Variants in SIGLEC10 observed in about 807,000 individuals in gnomAD.
SIGLEC10 encodes the protein sialic acid-binding Ig-like lectin 10.
A neutral mutation model predicts 68.3 loss-of-function variants in SIGLEC10; 45 were observed. The observed-to-expected ratio is 0.66, with a 90% CI of 0.52 to 0.84. SIGLEC10 has a LOEUF of 0.84. SIGLEC10 is among the 40% of genes least tolerant of loss of function. The pLI is 0.00. For synonymous variants in SIGLEC10, 379 were observed against 370.8 expected (o/e 1.02, Z -0.26); for missense variants, 789 against 883.1 (o/e 0.89, Z 1.35).
rs1202981278 is a variant in SIGLEC10 at position 51,414,499 on chromosome 19, G to C, written c.1632C>G (p.Ile544Met). 1.2e-6 allele frequency: 2 copies of C among 1,613,838 alleles called. No homozygotes were observed. Among genetic ancestry groups the C allele is most frequent in the Admixed American group, 3.3e-5 (2 of 59,972 alleles). ...ACGCTCCGTTGGAGAATGCCGTTGA[G>C]ATGAGTCCCTTCTTATCTGCACACG... ...ILQLPDKKGL[I>M]STAFSNGAFL... is the part of the protein sequence containing the mutation. Residue 544 changes from isoleucine (I) to methionine (M), a missense_variant, in exon 9 of 11, where the codon ATC becomes ATG. Coordinates refer to ENST00000339313, the MANE Select transcript of SIGLEC10 (RefSeq NM_033130.5). The surrounding 1 kb of genome is among the most constrained non-coding windows in gnomAD (Gnocchi z 4.1).
Position 51,415,552 on chromosome 19 carries a change from C to G in SIGLEC10, c.1072+16G>C, listed in dbSNP as rs550960425. 1 of 1,614,066 alleles carries G rather than the reference C, an allele frequency of 6.2e-7. No individual in the cohort carries two copies. The highest frequency in any genetic ancestry group is 2.2e-5 in the East Asian group (1 of 44,876). On this transcript the variant is annotated intron_variant, in intron 6 of 10. Transcript: ENST00000339313. Reference sequence around the variant, plus strand: ...TCGGCACTGAGAGGCCTTGGCTCCTCTGTCCCCTTTCCTACCTGTCCTGTT... The same window carrying G: ...TCGGCACTGAGAGGCCTTGGCTCCTGTGTCCCCTTTCCTACCTGTCCTGTT...
chr19:51,415,603 T>A lies in SIGLEC10; in HGVS notation c.1037A>T (p.Asn346Ile). The change falls in exon 6 of 11, where the codon AAC becomes ATC. Residue 346 changes from asparagine to isoleucine, a missense_variant. Coordinates refer to ENST00000339313, the MANE Select transcript of SIGLEC10 (RefSeq NM_033130.5). Reference protein sequence around the residue: ...LDLSVQYPPENLRVMVSQANR... With the variant: ...LDLSVQYPPEILRVMVSQANR... ...TGCTTGGGAAACCATCACTCTCAGG[T>A]TCTCTGGAGGATCTGAAATGGAGAC... 1 of 1,613,900 alleles carries A rather than the reference T, an allele frequency of 6.2e-7. No homozygotes were observed. The highest frequency in any genetic ancestry group is 1.1e-5 in the South Asian group (1 of 91,080).
Position 51,410,545 on chromosome 19 carries a change from A to T in SIGLEC10, c.*554T>A, listed in dbSNP as rs1488004560. ...GCTATGTTTTGTATTTTTTGTAGAGATGGGGTTTCACCATGTTGCCCAGGC... is the reference window on the plus strand; with the variant it reads ...GCTATGTTTTGTATTTTTTGTAGAGTTGGGGTTTCACCATGTTGCCCAGGC... On this transcript the variant is annotated 3_prime_UTR_variant, in exon 11 of 11. Coordinates refer to ENST00000339313, the MANE Select transcript of SIGLEC10 (RefSeq NM_033130.5). 1 of 153,166 alleles carries T rather than the reference A, an allele frequency of 6.5e-6. No individual in the cohort carries two copies. The highest frequency in any genetic ancestry group is 2.4e-5 in the African/African-American group (1 of 41,412). The allele number at this position is 153,166 out of a possible 1,614,324, so 9.5% of individuals were successfully genotyped here.
In SIGLEC10 at chr19:51,411,337, C is replaced by T; in HGVS notation, c.1856G>A (p.Ser619Asn). 6.2e-7 allele frequency: 1 copy of T among 1,614,172 alleles called. No homozygotes were observed. The highest frequency in any genetic ancestry group is 8.5e-7 in the Non-Finnish European group (1 of 1,180,022). Residue 619 changes from serine to asparagine, a missense_variant, in exon 11 of 11, where the codon AGT (serine) becomes AAT (asparagine). Transcript: ENST00000339313. ...ACCTGGTGGAAGAGGGGTCCGAGGACTGTTTGGTGTGGCTTTCTGATTCCG... is the reference window on the plus strand; with the variant it reads ...ACCTGGTGGAAGAGGGGTCCGAGGATTGTTTGGTGTGGCTTTCTGATTCCG... ...QKRNQKATPN[S>N]PRTPLPPGAP... is the part of the protein sequence containing the mutation.
At chr19:51,413,641 G>T in intron 10 of SIGLEC10, 71 bp downstream of exon 10, 2 of 1,354,554 alleles carry the variant, frequency 1.5e-6, no homozygotes, top group South Asian at 1.2e-5. Context: ...AAGACAAGGG[G>T]TGCAAAAGTC....
chr19:51,415,261 A>C lies in SIGLEC10; in HGVS notation c.1250T>G (p.Val417Gly), dbSNP rs1190322858. The change falls in exon 7 of 11, where the codon GTG (valine) becomes GGG (glycine). Residue 417 changes from valine (V) to glycine (G), a missense_variant. Val to Gly is a moderately radical substitution (Grantham distance 109). Transcript: ENST00000339313. ...GCAGGTGAACTCTCCTTCGTGCTCC[A>C]CTTGAACCCGAGGCAGCTCCAGGAC... ...PGVLELPRVQ[V>G]EHEGEFTCHA... 4 of 1,613,924 alleles carry C rather than the reference A, an allele frequency of 2.5e-6. No homozygotes were observed. In the Admixed American group the frequency reaches 5.0e-5, roughly 20 times the overall value.
chr19:51,415,356 G>C lies in SIGLEC10; in HGVS notation c.1155C>G (p.Ser385Arg). ...GGGTCCAGCTCAGCCTGGCTGGGGG[G>C]CTGCTGTGTGTGACACAGACCAGGC... ...SLCLVCVTHS[S>R]PPARLSWTQR... Residue 385 changes from serine to arginine, a missense_variant, in exon 7 of 11, where the codon AGC (serine) becomes AGG (arginine). Coordinates refer to ENST00000339313, the MANE Select transcript of SIGLEC10 (RefSeq NM_033130.5). 6.2e-7 allele frequency: 1 copy of C among 1,613,106 alleles called. No individual in the cohort carries two copies. The highest frequency in any genetic ancestry group is 8.5e-7 in the Non-Finnish European group (1 of 1,179,440).
In SIGLEC10 at chr19:51,412,095, C is replaced by T. The variant is rs188993574; in HGVS notation, c.1822-724G>A. 4.5e-3 allele frequency among the ~76,000 whole-genome samples: 682 copies of T among 152,070 alleles called. 8 individuals carry two copies. Among genetic ancestry groups the T allele is most frequent in the African/African-American group, 0.016 (651 of 41,482 alleles). On this transcript the variant is annotated intron_variant, in intron 10 of 10. Coordinates refer to ENST00000339313, the MANE Select transcript of SIGLEC10 (RefSeq NM_033130.5). ...AGGTGGAGGTTGCAGTGAGCCGAGA[C>T]CTTGCCACTGCACTCCAGCCTAGAC...
rs1238904587 is a variant in SIGLEC10 at position 51,414,375 on chromosome 19, TTCCTGGGTCCAGG to T, written c.1709+34_1709+46del. 8 of 1,534,812 alleles carry T rather than the reference TTCCTGGGTCCAGG, an allele frequency of 5.2e-6. No individual in the cohort carries two copies. The highest frequency in any genetic ancestry group is 7.2e-6 in the Non-Finnish European group (8 of 1,115,878). On this transcript the variant is annotated intron_variant, in intron 9 of 10. Transcript: ENST00000339313. The surrounding 1 kb of genome is among the most constrained non-coding windows in gnomAD (Gnocchi z 4.1). Reference sequence around the variant, plus strand: ...CTTTCGGCCTGCAACACCTCCCCTCTTCCTGGGTCCAGGCCCCAGACCCCGCCACGCCTCCTCT... The same window carrying T: ...CTTTCGGCCTGCAACACCTCCCCTCTCCCCAGACCCCGCCACGCCTCCTCT...
intron 3 of SIGLEC10, 27 bp downstream of exon 3, chr19:51,416,639 C>A: frequency 1.9e-6 from 3 of 1,612,238 alleles, no homozygotes; most frequent in Middle Eastern, 2.1e-4. Flanking sequence ...GCTGTCTGCA[C>A]ACCCCACCCT....
rs1448681880 is a variant in SIGLEC10, at chr19:51,413,828, G to A, written c.1710-5C>T. ...CTCTTCGGTAGAATCTTCATGCTGAGGAAATGAACCCACCTGTTTGTGCCC... is the reference window on the plus strand; with the variant it reads ...CTCTTCGGTAGAATCTTCATGCTGAAGAAATGAACCCACCTGTTTGTGCCC... On this transcript the variant is annotated splice_region_variant and splice_polypyrimidine_tract_variant and intron_variant, in intron 9 of 10. Coordinates refer to ENST00000339313, the MANE Select transcript of SIGLEC10 (RefSeq NM_033130.5). The A allele has an allele frequency of 6.2e-7, 1 of 1,613,090 alleles. No homozygotes were observed. Among genetic ancestry groups the A allele is most frequent in the South Asian group, 1.1e-5 (1 of 91,056 alleles).
In SIGLEC10 at chr19:51,417,312, A is replaced by G. The variant is rs1988793787; in HGVS notation, c.191T>C (p.Val64Ala). 3.1e-6 allele frequency: 5 copies of G among 1,614,016 alleles called. No homozygotes were observed. Among genetic ancestry groups the G allele is most frequent in the Non-Finnish European group, 4.2e-6 (5 of 1,180,018 alleles). Reference protein sequence around the residue: ...TPAYGYWFKAVTETTKGAPVA... With the variant: ...TPAYGYWFKAATETTKGAPVA... Reference sequence around the variant, plus strand: ...AGGAGCACCCTTGGTTGTCTCAGTCACTGCTTTGAACCAGTAGCCATAAGC... The same window carrying G: ...AGGAGCACCCTTGGTTGTCTCAGTCGCTGCTTTGAACCAGTAGCCATAAGC... The change falls in exon 2 of 11, where the codon GTG (valine) becomes GCG (alanine). Residue 64 changes from valine to alanine, a missense_variant. Coordinates refer to ENST00000339313, the MANE Select transcript of SIGLEC10 (RefSeq NM_033130.5).
chr19:51,415,055 A>C lies in SIGLEC10; in HGVS notation c.1384T>G (p.Cys462Gly). ...GGGCTGGCCTGGGAGGAGCAGCTGC[A>C]GTGCAGACCCTCAGCCTCCCAGGAG... is the stretch of plus-strand genomic sequence containing the variant. ...SCSWEAEGLH[C>G]SCSSQASPAP... The change falls in exon 8 of 11, where the codon TGC (cysteine) becomes GGC (glycine). Residue 462 changes from cysteine (C) to glycine (G), a missense_variant. Physicochemically the swap from Cys to Gly is radical, Grantham distance 159 (BLOSUM62 -3). Transcript: ENST00000339313. 1.3e-6 allele frequency: 2 copies of C among 1,593,344 alleles called. No individual in the cohort carries two copies. The highest frequency in any genetic ancestry group is 1.7e-6 in the Non-Finnish European group (2 of 1,170,996).
Position 51,410,533 on chromosome 19 carries a change from T to C in SIGLEC10, c.*566A>G, listed in dbSNP as rs1221538497. The C allele has an allele frequency of 1.3e-5, 2 of 152,996 alleles. No individual in the cohort carries two copies. The highest frequency in any genetic ancestry group is 4.8e-5 in the African/African-American group (2 of 41,444). 9.5% of individuals were successfully genotyped at this position (152,996 alleles called of 1,614,324 possible). ...CCACCAAGCCCAGCTATGTTTTGTA[T>C]TTTTTGTAGAGATGGGGTTTCACCA... On this transcript the variant is annotated 3_prime_UTR_variant, in exon 11 of 11. Coordinates refer to ENST00000339313, the MANE Select transcript of SIGLEC10 (RefSeq NM_033130.5).
rs374739550 is a variant in SIGLEC10 at position 51,414,859 on chromosome 19, T to C, written c.1580A>G (p.His527Arg). Residue 527 changes from histidine (H) to arginine (R), a missense_variant, in exon 8 of 11, where the codon CAT (histidine) becomes CGT (arginine). Coordinates refer to ENST00000339313, the MANE Select transcript of SIGLEC10 (RefSeq NM_033130.5). The surrounding 1 kb of genome is among the most constrained non-coding windows in gnomAD (Gnocchi z 4.1). ...CAGGATGGATCCACTCTGGGCCCCA[T>C]GGACGTTCCAGGCCTCACAGCGGAG... ...LRLRCEAWNV[H>R]GAQSGSILQL... 41 of 1,613,894 alleles carry C rather than the reference T, an allele frequency of 2.5e-5. No individual in the cohort carries two copies. The highest frequency in any genetic ancestry group is 3.1e-5 in the Non-Finnish European group (36 of 1,179,994).
rs771295045 is a variant in SIGLEC10, at chr19:51,411,207, T to C, written c.1986A>G (p.Gln662=). The C allele has an allele frequency of 2.3e-5, 37 of 1,614,186 alleles. No individual in the cohort carries two copies. In the South Asian group the frequency reaches 3.8e-4, roughly 17 times the overall value. ...TGAGCGTGGCATAATGGAGCTCCTC[T>C]TGGCTCTCCTGGGATTCTGGGGCTT... is the stretch of plus-strand genomic sequence containing the variant. ...STQAPESQES[Q]EELHYATLNF... The change falls in exon 11 of 11, where the codon CAA becomes CAG. Residue 662 remains glutamine (Q), a synonymous_variant. Transcript: ENST00000339313.
Position 51,413,715 on chromosome 19 carries a change from G to C in SIGLEC10, c.1818C>G (p.Pro606=). Residue 606 remains proline, a synonymous_variant, in exon 10 of 11, where the codon CCC becomes CCG. Coordinates refer to ENST00000339313, the MANE Select transcript of SIGLEC10 (RefSeq NM_033130.5). ...GAAGCATGGCCCAGACACTCACCAG[G>C]GGGCCAGCCGTCGGGACCACATTGA... ...DYINVVPTAG[P]LAQKRNQKAT... is the part of the protein sequence containing the mutation. 1 of 1,613,804 alleles carries C rather than the reference G, an allele frequency of 6.2e-7. No homozygotes were observed. The highest frequency in any genetic ancestry group is 8.5e-7 in the Non-Finnish European group (1 of 1,179,760).
In SIGLEC10 at chr19:51,417,325, A is replaced by G; in HGVS notation, c.178T>C (p.Trp60Arg). 1 of 1,614,196 alleles carries G rather than the reference A, an allele frequency of 6.2e-7. No individual in the cohort carries two copies. The highest frequency in any genetic ancestry group is 8.5e-7 in the Non-Finnish European group (1 of 1,180,024). Residue 60 changes from tryptophan to arginine, a missense_variant, in exon 2 of 11, where the codon TGG becomes CGG. Trp to Arg is a moderately radical substitution (Grantham distance 101). Transcript: ENST00000339313. ...WTGSTPAYGY[W>R]FKAVTETTKG... Reference sequence around the variant, plus strand: ...GTTGTCTCAGTCACTGCTTTGAACCAGTAGCCATAAGCTGGGGTAGACCCT... The same window carrying G: ...GTTGTCTCAGTCACTGCTTTGAACCGGTAGCCATAAGCTGGGGTAGACCCT...
Position 51,416,355 on chromosome 19 carries a change from C to T in SIGLEC10, c.709G>A (p.Ala237Thr). 1.2e-6 allele frequency: 2 copies of T among 1,614,114 alleles called. No individual in the cohort carries two copies. The highest frequency in any genetic ancestry group is 2.2e-5 in the South Asian group (2 of 91,082). The change falls in exon 4 of 11, where the codon GCC becomes ACC. Residue 237 changes from alanine (A) to threonine (T), a missense_variant and splice_region_variant. By Grantham distance (58) the Ala-to-Thr change is moderately conservative. Coordinates refer to ENST00000339313, the MANE Select transcript of SIGLEC10 (RefSeq NM_033130.5). The stretch of plus-strand genomic sequence containing the variant: ...ATGCTGATAACAAGGTCTCTGGGGG[C>T]ATCTGCAACAAGATTGTGAGCTGGC... ...QRTVRLRVAY[A>T]PRDLVISISR... is the part of the protein sequence containing the mutation.
Sources: gnomAD v4.1 joint callset for allele counts (sites outside exome capture counted in the v4.1 genomes callset) on GRCh38, gnomAD v4.1.1 for gene constraint, Gnocchi (gnomAD v3.1) non-coding constraint, MANE v1.5 for transcripts, NCBI Gene and HGNC (gene_info 2026-07-23, HGNC 2026-07-21) for gene names.